Variants in ZC3H12B observed in about 807,000 individuals in gnomAD.
The protein encoded by ZC3H12B is probable ribonuclease ZC3H12B.
Under a neutral mutation model 43.9 loss-of-function variants are expected in ZC3H12B, and 7 were observed. The ratio of observed to expected loss-of-function variants is 0.16; its 90% CI spans 0.09 to 0.30. The LOEUF (loss-of-function observed/expected upper bound fraction) is 0.30. ZC3H12B is among the 10% of genes least tolerant of loss of function. The pLI, the probability that ZC3H12B is intolerant of heterozygous loss-of-function variation, is 1.00. For missense variants in ZC3H12B, 475 were observed against 670.2 expected (o/e 0.71, Z 3.22); for synonymous variants, 222 against 241.7 (o/e 0.92, Z 0.76).
chrX:65,233,117 G>A, the ZC3H12B span, among the ~76,000 whole-genome samples: 1 of 112,045 alleles, frequency 8.9e-6, no homozygotes, highest in Non-Finnish European at 1.9e-5. Context: ...CTATGCTAAA[G>A]AGAGAGATAT....
the ZC3H12B span, among the ~76,000 whole-genome samples, chrX:65,298,798 C>A: frequency 8.9e-6 from 1 of 111,930 alleles, no homozygotes; most frequent in East Asian, 2.8e-4. Context: ...ACTCACAGTT[C>A]AACATAGCTG....
chrX:65,243,041 C>A, the ZC3H12B span, among the ~76,000 whole-genome samples: 1 of 111,764 alleles, frequency 8.9e-6, no homozygotes, highest in South Asian at 3.7e-4. Flanking sequence ...AACACTGGGG[C>A]AATTCCCCAG....
the ZC3H12B span, among the ~76,000 whole-genome samples, chrX:65,253,785 C>T: frequency 8.9e-6 from 1 of 111,971 alleles, no homozygotes; most frequent in Non-Finnish European, 1.9e-5. Context: ...AGCAGAGTGG[C>T]CCACACAGAT....
the ZC3H12B span, among the ~76,000 whole-genome samples, chrX:65,034,958 G>A: frequency 1.8e-5 from 2 of 112,644 alleles, no homozygotes; most frequent in African/African-American, 6.4e-5. Flanking sequence ...TGAGGGGACT[G>A]GTAACGGCGG....
chrX:65,154,232 A>G, the ZC3H12B span, among the ~76,000 whole-genome samples: 1 of 112,363 alleles, frequency 8.9e-6, no homozygotes, highest in Non-Finnish European at 1.9e-5. Context: ...AAGTACAATA[A>G]TAATAAAATT....
chrX:65,125,628 T>C, the ZC3H12B span, among the ~76,000 whole-genome samples: 3 of 111,380 alleles, frequency 2.7e-5, no homozygotes, highest in Admixed American at 9.5e-5. Context: ...TTAGGTATAA[T>C]AGTAATTGTT....
chrX:65,274,031 T>C, the ZC3H12B span, among the ~76,000 whole-genome samples: 1 of 111,726 alleles, frequency 9.0e-6, no homozygotes, highest in African/African-American at 3.3e-5. Context: ...GCTGTGGTTA[T>C]TGGAAGTATA....
chrX:65,324,718 A>G, the ZC3H12B span, among the ~76,000 whole-genome samples: 5 of 111,153 alleles, frequency 4.5e-5, no homozygotes, highest in African/African-American at 1.6e-4. Flanking sequence ...GGCTTAACCT[A>G]TGGTCTATCC....
At chrX:65,412,659 G>T (rs2066917081) in intron 3 of ZC3H12B, among the ~76,000 whole-genome samples, 2 of 110,600 alleles carry the variant, frequency 1.8e-5, no homozygotes, top group Admixed American at 9.7e-5. Context: ...GTAGAGACAG[G>T]GTTTCACCAT....
the ZC3H12B span, among the ~76,000 whole-genome samples, chrX:65,118,519 T>G: frequency 9.0e-6 from 1 of 111,513 alleles, no homozygotes; most frequent in Non-Finnish European, 1.9e-5. Flanking sequence ...CAGGGACAAT[T>G]TGACTTCCTC....
the ZC3H12B span, among the ~76,000 whole-genome samples, chrX:65,107,685 T>C: frequency 1.8e-5 from 2 of 111,113 alleles, no homozygotes; most frequent in South Asian, 7.7e-4. Context: ...GAGTGAGTTC[T>C]CACGAGATCT....
chrX:65,493,401 T>A (rs1040948174), intron 1 of ZC3H12B, among the ~76,000 whole-genome samples: 3 of 110,452 alleles, frequency 2.7e-5, no homozygotes, highest in Non-Finnish European at 5.7e-5. Flanking sequence ...AAAAAAAAAA[T>A]TTATGATGCT....
the ZC3H12B span, among the ~76,000 whole-genome samples, chrX:65,284,484 G>A: frequency 3.6e-5 from 4 of 111,680 alleles, no homozygotes; most frequent in Admixed American, 9.5e-5. Flanking sequence ...AGACAAGGCC[G>A]GGCACGGTGG....
At chrX:65,251,005 C>A in the ZC3H12B span, among the ~76,000 whole-genome samples, 2 of 111,896 alleles carry the variant, frequency 1.8e-5, no homozygotes, top group Non-Finnish European at 3.8e-5. Flanking sequence ...GACATTAAGT[C>A]CTTGCCTATG....
At chrX:65,071,687 T>C in the ZC3H12B span, among the ~76,000 whole-genome samples, 1 of 111,962 alleles carries the variant, frequency 8.9e-6, no homozygotes, top group African/African-American at 3.2e-5. Context: ...CTGGAAAGGA[T>C]CTTATTTCTT....
the ZC3H12B span, among the ~76,000 whole-genome samples, chrX:65,088,023 G>C: frequency 6.3e-5 from 7 of 111,660 alleles, no homozygotes; most frequent in Non-Finnish European, 1.3e-4. Context: ...AAAATGTATT[G>C]GCTATTATGG....
intron 3 of ZC3H12B, among the ~76,000 whole-genome samples, chrX:65,425,591 G>A (rs1360707763): frequency 9.0e-6 from 1 of 111,360 alleles, no homozygotes; most frequent in Non-Finnish European, 1.9e-5. Flanking sequence ...GATATTGGCT[G>A]TGGGTTTGTC....
the ZC3H12B span, among the ~76,000 whole-genome samples, chrX:65,224,045 C>A: frequency 1.5e-3 from 163 of 112,072 alleles, 2 homozygotes; most frequent in Non-Finnish European, 3.4e-4. Flanking sequence ...AAATATGGAA[C>A]CAGACCAAAT....
chrX:65,296,972 G>A, the ZC3H12B span, among the ~76,000 whole-genome samples: 2 of 111,453 alleles, frequency 1.8e-5, no homozygotes, highest in Non-Finnish European at 3.8e-5. Context: ...AAAACCCTCA[G>A]CAATGACATC....
Sources: allele counts gnomAD v4.1 joint callset (sites outside exome capture counted in the v4.1 genomes callset), GRCh38; gene constraint gnomAD v4.1.1; transcripts MANE v1.5; gene names NCBI Gene and HGNC (gene_info 2026-07-23, HGNC 2026-07-21).